Variants in CEP44 observed in about 807,000 individuals in gnomAD.
The protein encoded by CEP44 is centrosomal protein of 44 kDa.
Under a neutral mutation model 46.7 loss-of-function variants are expected in CEP44, and 45 were observed. That is an observed-to-expected ratio of 0.96 (90% CI 0.76 to 1.24). The LOEUF (loss-of-function observed/expected upper bound fraction) is 1.24. Ranked by LOEUF, CEP44 falls within the 50% of genes most tolerant of loss-of-function variation. The pLI is 0.00. For missense variants in CEP44, 475 were observed against 459.7 expected (o/e 1.03, Z -0.30); for synonymous variants, 142 against 146.0 (o/e 0.97, Z 0.20).
intron 1 of CEP44, among the ~76,000 whole-genome samples, chr4:174,284,510 T>C (rs1036343062): frequency 2.0e-4 from 31 of 152,192 alleles, no homozygotes; most frequent in African/African-American, 7.0e-4. Flanking sequence ...TTTCAAATAT[T>C]TCTCCACCTT....
intron 1 of CEP44, among the ~76,000 whole-genome samples, chr4:174,296,967 A>G (rs1319659948): frequency 6.6e-6 from 1 of 152,028 alleles, no homozygotes; most frequent in Non-Finnish European, 1.5e-5. Flanking sequence ...ATCTTTATGT[A>G]ATGACCCTAT....
downstream of CEP44, among the ~76,000 whole-genome samples, chr4:174,324,435 A>C (rs183922428): frequency 2.0e-5 from 3 of 152,148 alleles, no homozygotes; most frequent in Non-Finnish European, 4.4e-5. Flanking sequence ...TCAAATAGTA[A>C]AGTTATGATT....
At chr4:174,284,981 C>G (rs1737410965) in intron 1 of CEP44, among the ~76,000 whole-genome samples, 1 of 152,164 alleles carries the variant, frequency 6.6e-6, no homozygotes, top group Admixed American at 6.5e-5. Flanking sequence ...TTAATGACCT[C>G]TAACAGCAAT....
In CEP44 at chr4:174,309,984, A is replaced by G. The variant is rs759503328; in HGVS notation, c.813A>G (p.Val271=). 9 of 1,612,882 alleles carry G rather than the reference A, an allele frequency of 5.6e-6. No individual in the cohort carries two copies. The highest frequency in any genetic ancestry group is 5.1e-6 in the Non-Finnish European group (6 of 1,179,232). The change falls in exon 8 of 12, where the codon GTA becomes GTG. Residue 271 remains valine, a synonymous_variant. Transcript: ENST00000503780. The surrounding 1 kb of genome is among the most constrained non-coding windows in gnomAD (Gnocchi z 5.3). The stretch of plus-strand genomic sequence containing the variant: ...AAAAAATGAAAGGAAAAGTGATGGT[A>G]GATGAAAACACCTGGACTAATCTTC... ...LEQKMKGKVM[V]DENTWTNLLS...
Position 174,317,509 on chromosome 4 carries a change from A to T in CEP44, c.*126A>T. ...TTTGACAATTTGGATTCCATTTGGT[A>T]TATGAATTTTTGCATTCATTATTGA... is the stretch of plus-strand genomic sequence containing the variant. On this transcript the variant is annotated 3_prime_UTR_variant, in exon 12 of 12. Transcript: ENST00000503780. 1 of 1,211,826 alleles carries T rather than the reference A, an allele frequency of 8.3e-7. No homozygotes were observed. The highest frequency in any genetic ancestry group is 1.0e-6 in the Non-Finnish European group (1 of 959,762). 75.1% of individuals were successfully genotyped at this position (1,211,826 alleles called of 1,614,324 possible). A position where few individuals can be genotyped will look rare whatever the true frequency, so the allele number is the denominator to read the frequency against.
chr4:174,319,723 A>C lies in CEP44; in HGVS notation c.*2340A>C. 1.1e-6 allele frequency: 1 copy of C among 875,898 alleles called. No individual in the cohort carries two copies. The highest frequency in any genetic ancestry group is 1.4e-6 in the Non-Finnish European group (1 of 729,156). 54.3% of individuals were successfully genotyped at this position (875,898 alleles called of 1,614,324 possible). A position where few individuals can be genotyped will look rare whatever the true frequency, so the allele number is the denominator to read the frequency against. On this transcript the variant is annotated 3_prime_UTR_variant, in exon 12 of 12. Transcript: ENST00000503780. Reference sequence around the variant, plus strand: ...TTAATAACTTGTCTAACAACTCTCTAATAGGGACTAAAAATCAACTCAATA... The same window carrying C: ...TTAATAACTTGTCTAACAACTCTCTCATAGGGACTAAAAATCAACTCAATA...
chr4:174,326,152 ATTAT>A lies in CEP44; in HGVS notation c.1087-5327_1087-5324del, dbSNP rs1252427782. On this transcript the variant is annotated intron_variant, in intron 8 of 8. Coordinates refer to the CEP44 transcript ENST00000426172. The surrounding 1 kb of genome is among the most constrained non-coding windows in gnomAD (Gnocchi z 4.8). ...GCTGCTTTTTTGCCTCTTTTCCTGA[ATTAT>A]TTTTCACTGGATATTTTTTAATGTT... is the stretch of plus-strand genomic sequence containing the variant. 1.3e-5 allele frequency among the ~76,000 whole-genome samples: 2 copies of A among 151,394 alleles called. No homozygotes were observed. The highest frequency in any genetic ancestry group is 2.4e-5 in the African/African-American group (1 of 41,196).
At chr4:174,330,793 C>T (rs1045963018) in intron 8 of CEP44, among the ~76,000 whole-genome samples, 3 of 127,422 alleles carry the variant, frequency 2.4e-5, no homozygotes, top group African/African-American at 8.5e-5. Context: ...TCTCTTTGAT[C>T]AAGGGAGCTA....
exon 9 of CEP44, chr4:174,333,082 GAAATC>G (rs1731389951): frequency 6.6e-6 from 1 of 151,938 alleles, no homozygotes; most frequent in African/African-American, 2.4e-5. Flanking sequence ...TTAAAAGCCA[GAAATC>G]ACTTTTAGTG....
rs552468857 is a variant in CEP44, at chr4:174,306,850, C to T, written c.508-1839C>T. Reference sequence around the variant, plus strand: ...AGCTGAGAACCAAATCACAAACAAACTCCCATTCAAAATTGCCACAAAAAG... The same window carrying T: ...AGCTGAGAACCAAATCACAAACAAATTCCCATTCAAAATTGCCACAAAAAG... On this transcript the variant is annotated intron_variant, in intron 6 of 11. Transcript: ENST00000503780. Among the ~76,000 whole-genome samples the T allele has an allele frequency of 1.1e-4, 17 of 152,192 alleles. 1 individual carries two copies. Among genetic ancestry groups the T allele is most frequent in the African/African-American group, 4.1e-4 (17 of 41,544 alleles).
downstream of CEP44, among the ~76,000 whole-genome samples, chr4:174,322,238 T>G (rs566000205): frequency 6.6e-6 from 1 of 152,192 alleles, no homozygotes; most frequent in African/African-American, 2.4e-5. Context: ...TTTTTTAAAA[T>G]CATCATTCTC....
At chr4:174,296,734 T>C (rs1483136434) in intron 1 of CEP44, among the ~76,000 whole-genome samples, 1 of 151,404 alleles carries the variant, frequency 6.6e-6, no homozygotes, top group South Asian at 2.1e-4. Context: ...TTATATCCAG[T>C]TGATAGATGA....
At chr4:174,294,179 A>T (rs1164049853) in intron 1 of CEP44, among the ~76,000 whole-genome samples, 1 of 151,078 alleles carries the variant, frequency 6.6e-6, no homozygotes. Flanking sequence ...TCCTATGCAG[A>T]GGACCCTGCG....
chr4:174,303,468 C>G (rs1560901529), intron 4 of CEP44, among the ~76,000 whole-genome samples: 1 of 152,150 alleles, frequency 6.6e-6, no homozygotes, highest in Non-Finnish European at 1.5e-5. Flanking sequence ...TCTCTCTGGA[C>G]AGACATCTGT....
chr4:174,287,910 T>A lies in CEP44; in HGVS notation c.-148+3967T>A, dbSNP rs1737747274. ...TTAAAGCTAATATCTGAAATTCTCT[T>A]CTTGCATCTGCTAACTGAACGAGAA... On this transcript the variant is annotated intron_variant, in intron 1 of 11. Coordinates refer to ENST00000503780, the MANE Select transcript of CEP44 (RefSeq NM_001040157.3). This position sits in a 1 kb window ranked among gnomAD's most constrained non-coding sequence, Gnocchi z 5.1. Among the ~76,000 whole-genome samples, 1 of 152,338 alleles carries A rather than the reference T, an allele frequency of 6.6e-6. No homozygotes were observed. Among genetic ancestry groups the A allele is most frequent in the Admixed American group, 6.5e-5 (1 of 15,302 alleles).
chr4:174,295,320 G>C (rs1382787257), intron 1 of CEP44, among the ~76,000 whole-genome samples: 2 of 151,302 alleles, frequency 1.3e-5, no homozygotes, highest in African/African-American at 2.4e-5. Flanking sequence ...GGTCGCGGCC[G>C]GGTAGAGGTG....
chr4:174,293,539 ATAAG>A (rs2126524882), intron 1 of CEP44, among the ~76,000 whole-genome samples: 1 of 152,276 alleles, frequency 6.6e-6, no homozygotes, highest in African/African-American at 2.4e-5. Context: ...TGTTAGACTT[ATAAG>A]TGTTTTTTGT....
chr4:174,317,715 C>G lies in CEP44; in HGVS notation c.*332C>G. 1 of 993,894 alleles carries G rather than the reference C, an allele frequency of 1.0e-6. No homozygotes were observed. The highest frequency in any genetic ancestry group is 1.2e-6 in the Non-Finnish European group (1 of 835,416). 61.6% of individuals were successfully genotyped at this position (993,894 alleles called of 1,614,324 possible). A position where few individuals can be genotyped will look rare whatever the true frequency, so the allele number is the denominator to read the frequency against. On this transcript the variant is annotated 3_prime_UTR_variant, in exon 12 of 12. Coordinates refer to ENST00000503780, the MANE Select transcript of CEP44 (RefSeq NM_001040157.3). ...TAAGTAATGTTTTTTAAAGCACAGG[C>G]TTGAGGACTATGGTTTACATCCTGT...
intron 9 of CEP44, 130 bp from the exon 10 acceptor site, chr4:174,316,036 C>T: frequency 8.9e-7 from 1 of 1,118,916 alleles, no homozygotes; most frequent in Admixed American, 3.0e-5. Context: ...GTACTAAAAA[C>T]TCTTTGATCT....
Sources: gnomAD v4.1 joint callset for allele counts (sites outside exome capture counted in the v4.1 genomes callset) on GRCh38, gnomAD v4.1.1 for gene constraint, Gnocchi (gnomAD v3.1) non-coding constraint, MANE v1.5 for transcripts, NCBI Gene and HGNC (gene_info 2026-07-23, HGNC 2026-07-21) for gene names.